The following PCDHGB1 variants were observed in gnomAD, a reference collection of about 807,000 sequenced individuals.
The protein encoded by PCDHGB1 is protocadherin gamma-B1.
Under a neutral mutation model 56.6 loss-of-function variants are expected in PCDHGB1, and 34 were observed. That is an observed-to-expected ratio of 0.60 (90% confidence interval 0.46 to 0.80). PCDHGB1 has a LOEUF of 0.80. Among genes scored for constraint, PCDHGB1 ranks in the 30% least tolerant of loss-of-function variants. The pLI, the probability that PCDHGB1 is intolerant of heterozygous loss-of-function variation, is 0.00. For synonymous variants in PCDHGB1, 561 were observed against 505.9 expected (o/e 1.11, Z -1.46); for missense variants, 1,278 against 1,204.6 (o/e 1.06, Z -0.90).
chr5:141,453,465 A>G (rs1167340749), intron 1 of PCDHGB1, among the ~76,000 whole-genome samples: 2 of 152,098 alleles, frequency 1.3e-5, no homozygotes, highest in African/African-American at 4.8e-5. Flanking sequence ...AAACATTAAC[A>G]TAAAGTCAAA....
In PCDHGB1 at chr5:141,371,356, C is replaced by T. The variant is rs748519288; in HGVS notation, c.2409+18687C>T. 2.4e-5 allele frequency: 38 copies of T among 1,613,940 alleles called. No homozygotes were observed. The East Asian group carries it at 7.8e-4, about 33-fold the overall frequency. ...GATAGCTACACAATTGGGGTGGAAG[C>T]AAAGGATGGTGGACATCACACTGCA... is the stretch of plus-strand genomic sequence containing the variant. On this transcript the variant is annotated intron_variant, in intron 1 of 3. Transcript: ENST00000523390.
intron 1 of PCDHGB1, among the ~76,000 whole-genome samples, chr5:141,461,054 T>C (rs984461416): frequency 6.6e-6 from 1 of 151,758 alleles, no homozygotes; most frequent in African/African-American, 2.4e-5. Context: ...GGGACTTAGG[T>C]TGGTTTCACA....
chr5:141,506,444 CAAAAAA>C (rs1219684339), intron 3 of PCDHGB1, among the ~76,000 whole-genome samples: 1 of 95,026 alleles, frequency 1.1e-5, no homozygotes, highest in African/African-American at 4.0e-5. Flanking sequence ...CGCTCTGTCT[CAAAAAA>C]AAAAAAAAAA....
At chr5:141,437,999 C>T (rs1230507077) in intron 1 of PCDHGB1, among the ~76,000 whole-genome samples, 1 of 152,062 alleles carries the variant, frequency 6.6e-6, no homozygotes, top group African/African-American at 2.4e-5. Flanking sequence ...CCTCAGCCTC[C>T]CAAATAGCTG....
rs778172652 is a variant in PCDHGB1, at chr5:141,418,978, C to G, written c.2409+66309C>G. 4 of 1,613,790 alleles carry G rather than the reference C, an allele frequency of 2.5e-6. No individual in the cohort carries two copies. In the South Asian group the frequency reaches 4.4e-5, roughly 18 times the overall value. ...TTGTTGCCCTCTTCAAAACACGGGACCAAGACTCAGGGGAAAATGGGGAAG... is the reference window on the plus strand; with the variant it reads ...TTGTTGCCCTCTTCAAAACACGGGAGCAAGACTCAGGGGAAAATGGGGAAG... On this transcript the variant is annotated intron_variant, in intron 1 of 3. Coordinates refer to ENST00000523390, the MANE Select transcript of PCDHGB1 (RefSeq NM_018922.3).
chr5:141,490,080 T>A lies in PCDHGB1; in HGVS notation c.2410-4727T>A, dbSNP rs2099695881. On this transcript the variant is annotated intron_variant, in intron 1 of 3. Coordinates refer to ENST00000523390, the MANE Select transcript of PCDHGB1 (RefSeq NM_018922.3). The surrounding 1 kb of genome is among the most constrained non-coding windows in gnomAD (Gnocchi z 5.4). ...GCACCAACGGCCAACTAGACTATTCTTTTGGAGACCACACATCTGAGGCAG... is the reference window on the plus strand; with the variant it reads ...GCACCAACGGCCAACTAGACTATTCATTTGGAGACCACACATCTGAGGCAG... The A allele has an allele frequency of 6.2e-7, 1 of 1,614,246 alleles. No homozygotes were observed. The highest frequency in any genetic ancestry group is 2.2e-5 in the East Asian group (1 of 44,884).
At chr5:141,365,716 A>G (rs1764073601) in intron 1 of PCDHGB1, 6 of 1,613,740 alleles carry the variant, frequency 3.7e-6, no homozygotes, top group Non-Finnish European at 5.1e-6. Flanking sequence ...CCTCTGTCAC[A>G]GAAAACAATC....
chr5:141,498,625 T>C (rs1327552423), intron 2 of PCDHGB1, among the ~76,000 whole-genome samples: 1 of 152,176 alleles, frequency 6.6e-6, no homozygotes, highest in Non-Finnish European at 1.5e-5. Context: ...TGGGTCACAC[T>C]GCCTAGACAG....
intron 1 of PCDHGB1, chr5:141,468,330 C>CAAAAAA (rs533390277): frequency 1.3e-5 from 1 of 79,878 alleles, no homozygotes. Context: ...AACTCCATCT[C>CAAAAAA]AAAAAAAAAA....
chr5:141,367,367 T>G (rs947999999), intron 1 of PCDHGB1: 3 of 151,876 alleles, frequency 2.0e-5, no homozygotes, highest in African/African-American at 7.3e-5. Flanking sequence ...TGAAACCCTG[T>G]TCTACTAAAA....
At chr5:141,480,514 C>A (rs1015316945) in intron 1 of PCDHGB1, among the ~76,000 whole-genome samples, 2 of 127,196 alleles carry the variant, frequency 1.6e-5, no homozygotes, top group African/African-American at 7.3e-5. Flanking sequence ...TGAGAACAAC[C>A]AAAAATGACA....
intron 1 of PCDHGB1, among the ~76,000 whole-genome samples, chr5:141,450,685 C>T (rs542985781): frequency 6.6e-6 from 1 of 152,020 alleles, no homozygotes; most frequent in South Asian, 2.1e-4. Context: ...CGGGGTTTTG[C>T]CATGTTGCCC....
In PCDHGB1 at chr5:141,432,287, G is replaced by A. The variant is rs189131107; in HGVS notation, c.2410-62520G>A. On this transcript the variant is annotated intron_variant, in intron 1 of 3. Transcript: ENST00000523390. This position sits in a 1 kb window ranked among gnomAD's most constrained non-coding sequence, Gnocchi z 6.0. ...ATCGTCCTACGTGTCCATCAACTCC[G>A]ACACTGGGGTACTGTATGCGCTGAG... The A allele has an allele frequency of 2.3e-4, 365 of 1,614,216 alleles. 2 individuals carry two copies. In the East Asian group the frequency reaches 6.5e-3, roughly 29 times the overall value.
Position 141,351,048 on chromosome 5 carries a change from C to A in PCDHGB1, c.788C>A (p.Ala263Asp). ...GGAACCTCCGTGCTGCGGGTGATGG[C>A]CACAGACCAGGATGAGGGCATTAAT... ...PWGTSVLRVM[A>D]TDQDEGINAE... Residue 263 changes from alanine to aspartate, a missense_variant, in exon 1 of 4, where the codon GCC becomes GAC. By Grantham distance (126) the Ala-to-Asp change is moderately radical (BLOSUM62 -2). Transcript: ENST00000523390. 1 of 1,614,036 alleles carries A rather than the reference C, an allele frequency of 6.2e-7. No individual in the cohort carries two copies. Among genetic ancestry groups the A allele is most frequent in the Non-Finnish European group, 8.5e-7 (1 of 1,179,890 alleles).
At chr5:141,508,383 T>C (rs1169318572) in intron 3 of PCDHGB1, 1 of 152,236 alleles carries the variant, frequency 6.6e-6, no homozygotes, top group Non-Finnish European at 1.5e-5. Flanking sequence ...CTCAGATTTA[T>C]AGATGGGAAA....
chr5:141,472,979 T>TAAAA (rs2099307936), intron 1 of PCDHGB1, among the ~76,000 whole-genome samples: 1 of 21,094 alleles, frequency 4.7e-5, no homozygotes, highest in Non-Finnish European at 9.8e-5. Context: ...AGAGTGAAAC[T>TAAAA]CAAAAAAAAA....
At chr5:141,472,980 C>CAAAAAAAAAAAAAAAAAAAAAA (rs60579131) in intron 1 of PCDHGB1, among the ~76,000 whole-genome samples, 6 of 86,102 alleles carry the variant, frequency 7.0e-5, no homozygotes, top group African/African-American at 1.2e-4. Flanking sequence ...GAGTGAAACT[C>CAAAAAAAAAAAAAAAAAAAAAA]AAAAAAAAAA....
At chr5:141,466,528 T>C (rs1171715691) in intron 1 of PCDHGB1, among the ~76,000 whole-genome samples, 1 of 152,204 alleles carries the variant, frequency 6.6e-6, no homozygotes, top group African/African-American at 2.4e-5. Context: ...TCCTCCCAAA[T>C]TGATGTAGAT....
chr5:141,510,916 G>C (rs1044988697), intron 3 of PCDHGB1, 31 bp from the exon 4 acceptor site: 2 of 1,613,714 alleles, frequency 1.2e-6, no homozygotes, highest in African/African-American at 1.3e-5. Flanking sequence ...CCTAAGTTTA[G>C]CTCCCACCTG....
Sources: allele counts gnomAD v4.1 joint callset (sites outside exome capture counted in the v4.1 genomes callset), GRCh38; gene constraint gnomAD v4.1.1; non-coding constraint Gnocchi (gnomAD v3.1); transcripts MANE v1.5; gene names NCBI Gene and HGNC (gene_info 2026-07-23, HGNC 2026-07-21).